The following ELMOD2 variants were observed in gnomAD, a reference collection of about 807,000 sequenced individuals.
ELMOD2 encodes the protein ELMO domain containing 2, also known as ELMO domain-containing protein 2.
In ELMOD2, 28 loss-of-function variants were observed where a neutral mutation model predicts 41.0. That is an observed-to-expected ratio of 0.68 (90% confidence interval 0.51 to 0.94). ELMOD2 has a LOEUF of 0.94. Among genes scored for constraint, ELMOD2 ranks in the 40% least tolerant of loss-of-function variants. The probability of loss-of-function intolerance (pLI) is 0.00; values close to 1 mark genes in which losing one functional copy is unlikely to be tolerated. For synonymous variants in ELMOD2, 106 were observed against 107.2 expected (o/e 0.99, Z 0.07); for missense variants, 333 against 343.1 (o/e 0.97, Z 0.23).
Position 140,535,735 on chromosome 4 carries a change from T to A in ELMOD2, c.174T>A (p.Val58=), listed in dbSNP as rs1734900305. 1 of 1,607,312 alleles carries A rather than the reference T, an allele frequency of 6.2e-7. No homozygotes were observed. The highest frequency in any genetic ancestry group is 8.5e-7 in the Non-Finnish European group (1 of 1,178,266). ...ENSLTYSKNK[V]LQKATHVVQS... ...TTGGCTTTCTTTTACATAAATAGGT[T>A]TTACAGAAGGCGACACATGTTGTTC... The change falls in exon 4 of 9, where the codon GTT becomes GTA. Residue 58 remains valine, a splice_region_variant and synonymous_variant. Transcript: ENST00000323570.
At position 140,552,438 on chromosome 4, in the gene ELMOD2, T is replaced by A. The variant is rs996177137; in HGVS notation, c.*2063T>A. 4 of 152,104 alleles carry A rather than the reference T, an allele frequency of 2.6e-5. No homozygotes were observed. Among genetic ancestry groups the A allele is most frequent in the Non-Finnish European group, 4.4e-5 (3 of 67,948 alleles). 9.4% of individuals were successfully genotyped at this position (152,104 alleles called of 1,614,324 possible). A position where few individuals can be genotyped will look rare whatever the true frequency, so the allele number is the denominator to read the frequency against. The stretch of plus-strand genomic sequence containing the variant: ...AATCTGCAACCATTTCAGATAGTTT[T>A]ACAGCAAATTGATCTAAAAGCCACT... On this transcript the variant is annotated 3_prime_UTR_variant, in exon 9 of 9. Coordinates refer to ENST00000323570, the MANE Select transcript of ELMOD2 (RefSeq NM_153702.4).
intron 8 of ELMOD2, 101 bp downstream of exon 8, chr4:140,543,687 A>G (rs767314304): frequency 5.0e-5 from 48 of 964,076 alleles, no homozygotes; most frequent in Non-Finnish European, 6.5e-5. Context: ...TGTGAAGTAT[A>G]TAACTTATGT....
intron 1 of ELMOD2, chr4:140,525,088 C>CA: frequency 5.3e-6 from 1 of 188,136 alleles, no homozygotes; most frequent in Admixed American, 5.9e-5. Flanking sequence ...CCCCAGTTCT[C>CA]AAAGAATGGG....
chr4:140,547,506 G>C (rs1209789599), intron 8 of ELMOD2, among the ~76,000 whole-genome samples: 1 of 151,976 alleles, frequency 6.6e-6, no homozygotes, highest in Admixed American at 6.6e-5. Flanking sequence ...CAAAATTTTA[G>C]CTGGACTTCT....
Position 140,550,470 on chromosome 4 carries a change from A to G in ELMOD2, c.*95A>G, listed in dbSNP as rs1560837363. ...ATTATCTGATCAATTACACTCTTAT[A>G]TATAATTTCCTACAAAAATATTTCA... is the stretch of plus-strand genomic sequence containing the variant. On this transcript the variant is annotated 3_prime_UTR_variant, in exon 9 of 9. Transcript: ENST00000323570. 14 of 1,231,344 alleles carry G rather than the reference A, an allele frequency of 1.1e-5. No individual in the cohort carries two copies. In the South Asian group the frequency reaches 1.4e-4, roughly 13 times the overall value. The allele number at this position is 1,231,344 out of a possible 1,614,324, so 76.3% of individuals were successfully genotyped here.
intron 4 of ELMOD2, among the ~76,000 whole-genome samples, chr4:140,536,803 AAGAAATG>A (rs1734943206): frequency 6.6e-6 from 1 of 152,208 alleles, no homozygotes; most frequent in Non-Finnish European, 1.5e-5. Context: ...TTATTCAGGT[AAGAAATG>A]ACAAAGGCAT....
chr4:140,527,494 G>C lies in ELMOD2; in HGVS notation c.171G>C (p.Lys57Asn), dbSNP rs1188926025. 6.4e-7 allele frequency: 1 copy of C among 1,570,098 alleles called. No individual in the cohort carries two copies. The highest frequency in any genetic ancestry group is 8.6e-7 in the Non-Finnish European group (1 of 1,164,250). Residue 57 changes from lysine to asparagine, a missense_variant and splice_region_variant, in exon 3 of 9, where the codon AAG becomes AAC. Physicochemically the swap from Lys to Asn is moderately conservative, Grantham distance 94. Coordinates refer to ENST00000323570, the MANE Select transcript of ELMOD2 (RefSeq NM_153702.4). Reference sequence around the variant, plus strand: ...ATTCCTTGACATACTCCAAGAATAAGGTAGGATAACATAAAGGTGGTAACT... The same window carrying C: ...ATTCCTTGACATACTCCAAGAATAACGTAGGATAACATAAAGGTGGTAACT... ...IENSLTYSKN[K>N]VLQKATHVVQ... is the part of the protein sequence containing the mutation.
intron 4 of ELMOD2, among the ~76,000 whole-genome samples, chr4:140,536,540 T>C (rs1296097415): frequency 6.6e-6 from 1 of 152,156 alleles, no homozygotes; most frequent in Non-Finnish European, 1.5e-5. Context: ...ATATTAATAC[T>C]TTTGTATCTG....
In ELMOD2 at chr4:140,537,545, A is replaced by C. The variant is rs149594258; in HGVS notation, c.399+4A>C. ...GCATGAAGAGCTACTCATGAAGGTAAATTTCTGTTTTCTTTATGTGGAGTT... is the reference window on the plus strand; with the variant it reads ...GCATGAAGAGCTACTCATGAAGGTACATTTCTGTTTTCTTTATGTGGAGTT... On this transcript the variant is annotated splice_donor_region_variant and intron_variant, in intron 5 of 8. Transcript: ENST00000323570. 3,539 of 1,597,698 alleles carry C rather than the reference A, an allele frequency of 2.2e-3. 62 individuals carry two copies. The East Asian group carries it at 0.025, about 11-fold the overall frequency.
intron 1 of ELMOD2, chr4:140,524,662 G>A (rs11945078): frequency 0.27 from 264,340 of 984,388 alleles, 36,653 homozygotes; most frequent in East Asian, 0.47. Context: ...TAGTCCAGAG[G>A]TGACGTGTCT....
At position 140,550,897 on chromosome 4, in the gene ELMOD2, A is replaced by C. The variant is rs1735453715; in HGVS notation, c.*522A>C. The C allele has an allele frequency of 6.6e-6, 1 of 152,444 alleles. No individual in the cohort carries two copies. The highest frequency in any genetic ancestry group is 1.5e-5 in the Non-Finnish European group (1 of 68,274). 9.4% of individuals were successfully genotyped at this position (152,444 alleles called of 1,614,324 possible). ...TCATAACGTTGCTTCATTAGTAGCA[A>C]ATAGAGCAGAGATACAGCAGAGAGA... On this transcript the variant is annotated 3_prime_UTR_variant, in exon 9 of 9. Coordinates refer to ENST00000323570, the MANE Select transcript of ELMOD2 (RefSeq NM_153702.4).
intron 2 of ELMOD2, 62 bp downstream of exon 2, chr4:140,525,632 TCA>T: frequency 6.6e-7 from 1 of 1,517,422 alleles, no homozygotes; most frequent in African/African-American, 1.4e-5. Flanking sequence ...TTCTCAGGAC[TCA>T]CAGTGACAGA....
chr4:140,528,387 CT>C (rs1187748338), intron 3 of ELMOD2, among the ~76,000 whole-genome samples: 1 of 152,128 alleles, frequency 6.6e-6, no homozygotes, highest in East Asian at 1.9e-4. Flanking sequence ...TACGGGTCAT[CT>C]AGACCATTGT....
chr4:140,543,147 A>G (rs991955977), intron 7 of ELMOD2, among the ~76,000 whole-genome samples: 12 of 152,160 alleles, frequency 7.9e-5, no homozygotes, highest in African/African-American at 2.9e-4. Flanking sequence ...AGTGTATTTT[A>G]GAAATCAATG....
rs1009269410 is a variant in ELMOD2 at position 140,550,165 on chromosome 4, G to C, written c.737-65G>C. 3.4e-5 allele frequency: 46 copies of C among 1,366,378 alleles called. No homozygotes were observed. In the Middle Eastern group the frequency reaches 5.6e-4, roughly 17 times the overall value. The allele number at this position is 1,366,378 out of a possible 1,614,324, so 84.6% of individuals were successfully genotyped here. On this transcript the variant is annotated intron_variant, in intron 8 of 8. Coordinates refer to ENST00000323570, the MANE Select transcript of ELMOD2 (RefSeq NM_153702.4). ...AAAGGATGGTTATATACTTTGTAAA[G>C]ATGAGACGGTTTGAATGTGATTTCA...
chr4:140,532,998 A>G (rs1442279327), intron 3 of ELMOD2, among the ~76,000 whole-genome samples: 5 of 152,216 alleles, frequency 3.3e-5, no homozygotes, highest in Non-Finnish European at 7.3e-5. Flanking sequence ...AAAAGCATCC[A>G]GAAAACATAA....
chr4:140,525,449 G>A lies in ELMOD2; in HGVS notation c.21G>A (p.Glu7=), dbSNP rs754489025. Residue 7 remains glutamate (E), a synonymous_variant, in exon 2 of 9, where the codon GAG becomes GAA. Coordinates refer to ENST00000323570, the MANE Select transcript of ELMOD2 (RefSeq NM_153702.4). ...AAAAAATGTTTATTTCTTTGTGGGAGTTCTTCTATGGGCACTTTTTTCGAT... is the reference window on the plus strand; with the variant it reads ...AAAAAATGTTTATTTCTTTGTGGGAATTCTTCTATGGGCACTTTTTTCGAT... MFISLW[E]FFYGHFFRFW... is the part of the protein sequence containing the mutation. 9 of 1,613,538 alleles carry A rather than the reference G, an allele frequency of 5.6e-6. No individual in the cohort carries two copies. In the Admixed American group the frequency reaches 1.5e-4, roughly 27 times the overall value.
At position 140,540,100 on chromosome 4, in the gene ELMOD2, A is replaced by G. The variant is rs540628606; in HGVS notation, c.400-68A>G. The G allele has an allele frequency of 6.6e-6, 10 of 1,517,252 alleles. No homozygotes were observed. The South Asian group carries it at 1.2e-4, about 18-fold the overall frequency. 94.0% of individuals were successfully genotyped at this position (1,517,252 alleles called of 1,614,324 possible). The stretch of plus-strand genomic sequence containing the variant: ...GGTTTTTCTACAAAAGTTATTTGAT[A>G]GCATTAAATTACTAGTTACAAGCTA... On this transcript the variant is annotated intron_variant, in intron 5 of 8. Transcript: ENST00000323570.
At chr4:140,535,892 C>T (rs1734908363) in intron 4 of ELMOD2, 62 bp downstream of exon 4, 4 of 1,432,386 alleles carry the variant, frequency 2.8e-6, no homozygotes, top group Non-Finnish European at 3.8e-6. Flanking sequence ...GTATCAATAT[C>T]ACACACTGTT....
Sources: allele counts gnomAD v4.1 joint callset (sites outside exome capture counted in the v4.1 genomes callset), GRCh38; gene constraint gnomAD v4.1.1; transcripts MANE v1.5; gene names NCBI Gene and HGNC (gene_info 2026-07-23, HGNC 2026-07-21).